The following SGSM2 variants were observed in gnomAD, a reference collection of about 807,000 sequenced individuals.
SGSM2 encodes the protein RUN and TBC1 domain containing 1.
Under a neutral mutation model 126.6 loss-of-function variants are expected in SGSM2, and 89 were observed. The ratio of observed to expected loss-of-function variants is 0.70; its 90% CI spans 0.59 to 0.84. The LOEUF (loss-of-function observed/expected upper bound fraction) is 0.84, where lower values mean the gene tolerates loss of function less well. SGSM2 is among the 40% of genes least tolerant of loss of function. SGSM2 has a pLI of 0.00. For missense variants in SGSM2, 1,404 were observed against 1,416.6 expected (o/e 0.99, Z 0.14); for synonymous variants, 614 against 574.3 (o/e 1.07, Z -0.99).
chr17:2,344,769 G>GGGT (rs1368138121), intron 2 of SGSM2, among the ~76,000 whole-genome samples: 1 of 152,164 alleles, frequency 6.6e-6, no homozygotes, highest in East Asian at 1.9e-4. Flanking sequence ...TGACAGACTG[G>GGGT]GGTTTGAATC....
intron 2 of SGSM2, among the ~76,000 whole-genome samples, chr17:2,353,286 G>C (rs1265635619): frequency 6.6e-6 from 1 of 152,100 alleles, no homozygotes; most frequent in South Asian, 2.1e-4. Context: ...GAGGTGAAAC[G>C]AGATGCCCAC....
At chr17:2,376,353 C>T in intron 19 of SGSM2, 92 bp downstream of exon 19, 2 of 1,526,400 alleles carry the variant, frequency 1.3e-6, no homozygotes, top group Non-Finnish European at 1.8e-6. Flanking sequence ...CTGCTCCTCT[C>T]TCCTGCTCCT....
chr17:2,366,321 T>C (rs1235078724), intron 11 of SGSM2, among the ~76,000 whole-genome samples: 2 of 152,236 alleles, frequency 1.3e-5, no homozygotes, highest in African/African-American at 2.4e-5. Context: ...GTGCTGCTGC[T>C]GCCCATAGGC....
At chr17:2,379,282 G>A (rs765260506) in intron 23 of SGSM2, 79 bp downstream of exon 23, 14 of 1,575,348 alleles carry the variant, frequency 8.9e-6, no homozygotes, top group South Asian at 4.5e-5. Flanking sequence ...CACAGCTGGA[G>A]GGTTCTCAGG....
At position 2,372,156 on chromosome 17, in the gene SGSM2, A is replaced by G; in HGVS notation, c.1578-34A>G. ...TCTCTCCTCCCACCAGAGGGGCCGC[A>G]GCCCCTCCCTGCTGAGCCCGGTTGT... is the stretch of plus-strand genomic sequence containing the variant. On this transcript the variant is annotated intron_variant, in intron 13 of 23. Transcript: ENST00000268989. The surrounding 1 kb of genome is among the most constrained non-coding windows in gnomAD (Gnocchi z 6.0). 6.2e-7 allele frequency: 1 copy of G among 1,609,360 alleles called. No individual in the cohort carries two copies. The highest frequency in any genetic ancestry group is 1.1e-5 in the South Asian group (1 of 91,008).
chr17:2,361,175 TGTCGG>T (rs2065293189), intron 2 of SGSM2, among the ~76,000 whole-genome samples: 1 of 152,228 alleles, frequency 6.6e-6, no homozygotes, highest in South Asian at 2.1e-4. Context: ...CAGCGGCCAC[TGTCGG>T]GTCCAAGCTC....
chr17:2,373,337 G>A lies in SGSM2; in HGVS notation c.1924G>A (p.Ala642Thr), dbSNP rs752431517. 21 of 1,612,012 alleles carry A rather than the reference G, an allele frequency of 1.3e-5. No individual in the cohort carries two copies. The highest frequency in any genetic ancestry group is 3.3e-5 in the Admixed American group (2 of 59,968). ...MSKKEMEQVD[A>T]VVAARYQQVL... The stretch of plus-strand genomic sequence containing the variant: ...TGGTGTGGTCTGAGTACAGGTGGAC[G>A]CAGTGGTGGCAGCAAGGTACCAGCA... The change falls in exon 17 of 24, where the codon GCA (alanine) becomes ACA (threonine). Residue 642 changes from alanine (A) to threonine (T), a missense_variant. Coordinates refer to ENST00000268989, the MANE Select transcript of SGSM2 (RefSeq NM_014853.3).
At chr17:2,349,594 A>G (rs1033442678) in intron 2 of SGSM2, among the ~76,000 whole-genome samples, 5 of 152,142 alleles carry the variant, frequency 3.3e-5, no homozygotes, top group African/African-American at 1.2e-4. Flanking sequence ...GTCCTCTTTC[A>G]GAGATAAATA....
rs2065657087 is a variant in SGSM2 at position 2,367,607 on chromosome 17, A to G, written c.1423+202A>G. ...GCAAGAAAAGGGGCTGGCCCAGGGC[A>G]GGTGGCTCCAGGCTGTGAGGAGGAA... On this transcript the variant is annotated intron_variant, in intron 12 of 23. Coordinates refer to ENST00000268989, the MANE Select transcript of SGSM2 (RefSeq NM_014853.3). This position sits in a 1 kb window ranked among gnomAD's most constrained non-coding sequence, Gnocchi z 4.0. Among the ~76,000 whole-genome samples, 1 of 152,236 alleles carries G rather than the reference A, an allele frequency of 6.6e-6. No homozygotes were observed. Among genetic ancestry groups the G allele is most frequent in the African/African-American group, 2.4e-5 (1 of 41,460 alleles).
At chr17:2,371,188 A>G in intron 12 of SGSM2, 74 bp from the exon 13 acceptor site, 1 of 1,474,966 alleles carries the variant, frequency 6.8e-7, no homozygotes, top group East Asian at 2.5e-5. Flanking sequence ...CTGGGCACAG[A>G]GGTGGGCATG....
At chr17:2,352,783 T>C (rs955023196) in intron 2 of SGSM2, among the ~76,000 whole-genome samples, 2 of 135,718 alleles carry the variant, frequency 1.5e-5, no homozygotes, top group East Asian at 2.2e-4. Flanking sequence ...TTTTTTTTTT[T>C]TTTTTTTTTT....
intron 9 of SGSM2, 101 bp downstream of exon 9, chr17:2,364,764 A>T: frequency 6.4e-7 from 1 of 1,558,698 alleles, no homozygotes; most frequent in Non-Finnish European, 8.8e-7. Context: ...TCCTCCTCCC[A>T]TCCTTGTTAA....
chr17:2,348,070 G>A (rs982266148), intron 2 of SGSM2, among the ~76,000 whole-genome samples: 1 of 152,162 alleles, frequency 6.6e-6, no homozygotes, highest in African/African-American at 2.4e-5. Context: ...CTGTGGAGCC[G>A]GGAATAACAT....
chr17:2,372,824 C>T lies in SGSM2; in HGVS notation c.1789-129C>T. On this transcript the variant is annotated intron_variant, in intron 15 of 23. Coordinates refer to ENST00000268989, the MANE Select transcript of SGSM2 (RefSeq NM_014853.3). This position sits in a 1 kb window ranked among gnomAD's most constrained non-coding sequence, Gnocchi z 6.0. ...ACGGGAGGACGTGGCCACCCCAAAG[C>T]AGGCCTTGCCTGGGCTTCAGCAGTC... 2 of 1,305,094 alleles carry T rather than the reference C, an allele frequency of 1.5e-6. No homozygotes were observed. Among genetic ancestry groups the T allele is most frequent in the Non-Finnish European group, 2.1e-6 (2 of 965,874 alleles). The allele number at this position is 1,305,094 out of a possible 1,614,324, so 80.8% of individuals were successfully genotyped here.
intron 2 of SGSM2, among the ~76,000 whole-genome samples, chr17:2,360,211 G>A (rs1425851825): frequency 6.6e-6 from 1 of 152,176 alleles, no homozygotes; most frequent in African/African-American, 2.4e-5. Flanking sequence ...GCATGGTGGT[G>A]TGTGCCTGTA....
Position 2,380,204 on chromosome 17 carries a change from T to C in SGSM2, c.*684T>C, listed in dbSNP as rs1209049231. ...CCCAGGCCTCCCCGGCCTTGTACAG[T>C]GTACCTCTGTGTATCTGTACAGCCT... On this transcript the variant is annotated 3_prime_UTR_variant, in exon 24 of 24. Coordinates refer to ENST00000268989, the MANE Select transcript of SGSM2 (RefSeq NM_014853.3). 9 of 1,533,792 alleles carry C rather than the reference T, an allele frequency of 5.9e-6. No individual in the cohort carries two copies. In the East Asian group the frequency reaches 2.0e-4, roughly 33 times the overall value.
intron 18 of SGSM2, 94 bp downstream of exon 18, chr17:2,375,969 CG>C: frequency 6.6e-7 from 1 of 1,505,544 alleles, no homozygotes; most frequent in Non-Finnish European, 8.8e-7. Flanking sequence ...GAAGGCGGGG[CG>C]CCCTGACTGC....
In SGSM2 at chr17:2,363,597, C is replaced by A. The variant is rs777684580; in HGVS notation, c.805C>A (p.Pro269Thr). 1 of 1,612,630 alleles carries A rather than the reference C, an allele frequency of 6.2e-7. No homozygotes were observed. Among genetic ancestry groups the A allele is most frequent in the Non-Finnish European group, 8.5e-7 (1 of 1,179,314 alleles). ...LYGKNHVLVQ[P>T]KEDMEAVPGY... Reference sequence around the variant, plus strand: ...TGGCAAGAACCACGTGCTGGTGCAGCCGGTAGGAAAGCTTCATCCTGCCAT... The same window carrying A: ...TGGCAAGAACCACGTGCTGGTGCAGACGGTAGGAAAGCTTCATCCTGCCAT... The change falls in exon 7 of 24, where the codon CCG becomes ACG. Residue 269 changes from proline (P) to threonine (T), a missense_variant and splice_region_variant. By Grantham distance (38) the Pro-to-Thr change is conservative. Coordinates refer to ENST00000268989, the MANE Select transcript of SGSM2 (RefSeq NM_014853.3). This position sits in a 1 kb window ranked among gnomAD's most constrained non-coding sequence, Gnocchi z 4.2.
rs543771067 is a variant in SGSM2, at chr17:2,342,379, G to A, written c.58-1166G>A. ...TTGGAGGTTGCAGTGAGCTGAGAAC[G>A]CGCCACTTCACTCCAGCCTGGGCAA... On this transcript the variant is annotated intron_variant, in intron 1 of 23. Coordinates refer to ENST00000268989, the MANE Select transcript of SGSM2 (RefSeq NM_014853.3). Among the ~76,000 whole-genome samples the A allele has an allele frequency of 2.9e-3, 439 of 151,784 alleles. 1 individual carries two copies. Among genetic ancestry groups the A allele is most frequent in the Non-Finnish European group, 5.1e-3 (346 of 67,918 alleles).
Sources: allele counts gnomAD v4.1 joint callset (sites outside exome capture counted in the v4.1 genomes callset), GRCh38; gene constraint gnomAD v4.1.1; non-coding constraint Gnocchi (gnomAD v3.1); transcripts MANE v1.5; gene names NCBI Gene and HGNC (gene_info 2026-07-23, HGNC 2026-07-21).